The following FOSL2 variants were observed in gnomAD, a reference collection of about 807,000 sequenced individuals.
FOSL2 encodes fos-related antigen 2.
A neutral mutation model predicts 27.7 loss-of-function variants in FOSL2; 3 were observed. The ratio of observed to expected loss-of-function variants is 0.11; its 90% CI spans 0.05 to 0.28. The LOEUF (loss-of-function observed/expected upper bound fraction) is 0.28, where lower values mean the gene tolerates loss of function less well. Among genes scored for constraint, FOSL2 ranks in the 10% least tolerant of loss-of-function variants. The probability of loss-of-function intolerance (pLI) is 1.00; values close to 1 mark genes in which losing one functional copy is unlikely to be tolerated. For missense variants in FOSL2, 333 were observed against 445.1 expected (o/e 0.75, Z 2.27); for synonymous variants, 179 against 190.1 (o/e 0.94, Z 0.48).
intron 1 of FOSL2, among the ~76,000 whole-genome samples, chr2:28,399,234 C>G (rs777130219): frequency 7.2e-5 from 11 of 152,210 alleles, no homozygotes; most frequent in Non-Finnish European, 1.5e-4. Context: ...AACCCCAACC[C>G]TGACTTCCAT....
At chr2:28,409,960 C>T (rs887606567) in intron 3 of FOSL2, among the ~76,000 whole-genome samples, 1 of 152,182 alleles carries the variant, frequency 6.6e-6, no homozygotes, top group South Asian at 2.1e-4. Context: ...AGGCTGGTCT[C>T]GAACTCCTGA....
intron 1 of FOSL2, among the ~76,000 whole-genome samples, chr2:28,395,072 C>T (rs1663784583): frequency 6.6e-6 from 1 of 152,184 alleles, no homozygotes; most frequent in African/African-American, 2.4e-5. Context: ...TTCCCTCTGC[C>T]TCCCATGGTG....
rs1664325076 is a variant in FOSL2, at chr2:28,417,086, C to G, written c.*4638C>G. The G allele has an allele frequency of 6.6e-6, 1 of 151,370 alleles. No individual in the cohort carries two copies. Among genetic ancestry groups the G allele is most frequent in the African/African-American group, 2.4e-5 (1 of 41,170 alleles). 9.4% of individuals were successfully genotyped at this position (151,370 alleles called of 1,614,324 possible). On this transcript the variant is annotated 3_prime_UTR_variant, in exon 4 of 4. Coordinates refer to ENST00000264716, the MANE Select transcript of FOSL2 (RefSeq NM_005253.4). ...ATTGAGGAGTAGCTTTGTTTGGAAGCCTTTCTGGTGGTGGTTTTTGTTGTT... is the reference window on the plus strand; with the variant it reads ...ATTGAGGAGTAGCTTTGTTTGGAAGGCTTTCTGGTGGTGGTTTTTGTTGTT...
chr2:28,405,829 A>G (rs10495765), intron 2 of FOSL2, among the ~76,000 whole-genome samples: 2,086 of 152,282 alleles, frequency 0.014, 16 homozygotes, highest in Non-Finnish European at 0.023. Flanking sequence ...GTTGCTTTCT[A>G]TAATTGCAGT....
At chr2:28,406,007 C>T (rs1037621827) in intron 2 of FOSL2, among the ~76,000 whole-genome samples, 2 of 151,262 alleles carry the variant, frequency 1.3e-5, no homozygotes, top group African/African-American at 4.9e-5. Flanking sequence ...CTAGCAGGAC[C>T]ACAAAGCCTG....
chr2:28,403,778 G>A (rs1664021213), intron 1 of FOSL2, among the ~76,000 whole-genome samples: 1 of 152,182 alleles, frequency 6.6e-6, no homozygotes, highest in African/African-American at 2.4e-5. Flanking sequence ...CTGCCAAGAG[G>A]GCCTGCCGAG....
chr2:28,408,621 C>T lies in FOSL2; in HGVS notation c.355-138C>T. 1 of 598,020 alleles carries T rather than the reference C, an allele frequency of 1.7e-6. No homozygotes were observed. The allele number at this position is 598,020 out of a possible 1,614,324, so 37.0% of individuals were successfully genotyped here. ...CCACATGTTCTGGGGCCTCTGAGTC[C>T]AGCCATGCTCCTCTTGCCCTTCCTT... On this transcript the variant is annotated intron_variant, in intron 2 of 3. Coordinates refer to ENST00000264716, the MANE Select transcript of FOSL2 (RefSeq NM_005253.4). This position sits in a 1 kb window ranked among gnomAD's most constrained non-coding sequence, Gnocchi z 4.1.
At position 28,416,693 on chromosome 2, in the gene FOSL2, T is replaced by A. The variant is rs1664318623; in HGVS notation, c.*4245T>A. On this transcript the variant is annotated 3_prime_UTR_variant, in exon 4 of 4. Transcript: ENST00000264716. ...ATGATTAAAAGTTTATTCCATTTAT[T>A]TTAGTTTGTGTTTACTTGATTTTGA... The A allele has an allele frequency of 6.6e-6, 1 of 152,154 alleles. No individual in the cohort carries two copies. The highest frequency in any genetic ancestry group is 2.4e-5 in the African/African-American group (1 of 41,432). The allele number at this position is 152,154 out of a possible 1,614,324, so 9.4% of individuals were successfully genotyped here. A position where few individuals can be genotyped will look rare whatever the true frequency, so the allele number is the denominator to read the frequency against.
Position 28,393,883 on chromosome 2 carries a change from C to A in FOSL2, c.102+61C>A. The A allele has an allele frequency of 9.1e-7, 1 of 1,094,292 alleles. No individual in the cohort carries two copies. Among genetic ancestry groups the A allele is most frequent in the South Asian group, 1.4e-5 (1 of 70,456 alleles). 67.8% of individuals were successfully genotyped at this position (1,094,292 alleles called of 1,614,324 possible). ...CGGACCCCTGCCCTCTTCTCGCCGC[C>A]ACTGCCTCTTTTGCTTTCTTTTCTT... is the stretch of plus-strand genomic sequence containing the variant. On this transcript the variant is annotated intron_variant, in intron 1 of 3. Coordinates refer to ENST00000264716, the MANE Select transcript of FOSL2 (RefSeq NM_005253.4). This position sits in a 1 kb window ranked among gnomAD's most constrained non-coding sequence, Gnocchi z 4.6.
intron 2 of FOSL2, among the ~76,000 whole-genome samples, chr2:28,407,931 C>T (rs1664117147): frequency 6.6e-6 from 1 of 152,210 alleles, no homozygotes; most frequent in South Asian, 2.1e-4. Flanking sequence ...AGATCCTAAG[C>T]TCTTTGCAGG....
rs1163021013 is a variant in FOSL2 at position 28,417,173 on chromosome 2, C to G, written c.*4725C>G. On this transcript the variant is annotated 3_prime_UTR_variant, in exon 4 of 4. Transcript: ENST00000264716. ...CCTACAGTATTTGCACTAAAGAAAGCTTGTTAGAAAAAGCTTGCTGCTATG... is the reference window on the plus strand; with the variant it reads ...CCTACAGTATTTGCACTAAAGAAAGGTTGTTAGAAAAAGCTTGCTGCTATG... 6.6e-6 allele frequency: 1 copy of G among 151,736 alleles called. No homozygotes were observed. The highest frequency in any genetic ancestry group is 2.4e-5 in the African/African-American group (1 of 41,228). The allele number at this position is 151,736 out of a possible 1,614,324, so 9.4% of individuals were successfully genotyped here. A position where few individuals can be genotyped will look rare whatever the true frequency, so the allele number is the denominator to read the frequency against.
At position 28,404,208 on chromosome 2, in the gene FOSL2, G is replaced by A; in HGVS notation, c.204G>A (p.Val68=). 1 of 1,614,204 alleles carries A rather than the reference G, an allele frequency of 6.2e-7. No homozygotes were observed. Residue 68 remains valine (V), a synonymous_variant, in exon 2 of 4, where the codon GTG becomes GTA. Coordinates refer to ENST00000264716, the MANE Select transcript of FOSL2 (RefSeq NM_005253.4). This position sits in a 1 kb window ranked among gnomAD's most constrained non-coding sequence, Gnocchi z 4.7. ...QDLQWMVQPT[V]ITSMSNPYPR... is the part of the protein sequence containing the mutation. ...TGCAGTGGATGGTGCAGCCCACAGT[G>A]ATCACCTCCATGTCCAACCCATACC...
rs909512668 is a variant in FOSL2, at chr2:28,392,953, A to C, written c.-768A>C. The C allele has an allele frequency of 1.4e-4, 95 of 685,102 alleles. No individual in the cohort carries two copies. The highest frequency in any genetic ancestry group is 2.4e-4 in the Non-Finnish European group (90 of 368,160). The allele number at this position is 685,102 out of a possible 1,614,324, so 42.4% of individuals were successfully genotyped here. On this transcript the variant is annotated 5_prime_UTR_variant, in exon 1 of 4. Coordinates refer to ENST00000264716, the MANE Select transcript of FOSL2 (RefSeq NM_005253.4). ...GGCGGGGACAGAAAGAGGGAGAGAGAGAGAGAGAGAGAGGGAGAGGCGCGG... is the reference window on the plus strand; with the variant it reads ...GGCGGGGACAGAAAGAGGGAGAGAGCGAGAGAGAGAGAGGGAGAGGCGCGG...
In FOSL2 at chr2:28,402,616, C is replaced by T. The variant is rs549992351; in HGVS notation, c.103-1491C>T. Reference sequence around the variant, plus strand: ...ATGCTAATGATAGTGGGGTTCCATTCGGGGCCAGACAGACCTGTGGTACCT... The same window carrying T: ...ATGCTAATGATAGTGGGGTTCCATTTGGGGCCAGACAGACCTGTGGTACCT... On this transcript the variant is annotated intron_variant, in intron 1 of 3. Coordinates refer to ENST00000264716, the MANE Select transcript of FOSL2 (RefSeq NM_005253.4). 7.9e-5 allele frequency among the ~76,000 whole-genome samples: 12 copies of T among 152,268 alleles called. No homozygotes were observed. In the South Asian group the frequency reaches 1.0e-3, roughly 13 times the overall value.
intron 3 of FOSL2, among the ~76,000 whole-genome samples, chr2:28,409,521 C>G (rs1458531218): frequency 3.9e-5 from 6 of 152,176 alleles, no homozygotes; most frequent in Non-Finnish European, 8.8e-5. Context: ...CAGCCCTGCC[C>G]TTCCCTCTGT....
rs756896308 is a variant in FOSL2 at position 28,408,851 on chromosome 2, A to C, written c.447A>C (p.Thr149=). Residue 149 remains threonine, a synonymous_variant, in exon 3 of 4, where the codon ACA becomes ACC. Transcript: ENST00000264716. The surrounding 1 kb of genome is among the most constrained non-coding windows in gnomAD (Gnocchi z 4.1). ...GCCGGAACCGACGCCGGGAGCTGAC[A>C]GAGAAGCTGCAGGCGGTGAGGAACT... ...AKCRNRRREL[T]EKLQAETEEL... The C allele has an allele frequency of 8.1e-6, 13 of 1,610,292 alleles. No homozygotes were observed. In the Admixed American group the frequency reaches 8.4e-5, roughly 10 times the overall value.
rs1025471377 is a variant in FOSL2 at position 28,393,178 on chromosome 2, C to G, written c.-543C>G. On this transcript the variant is annotated 5_prime_UTR_variant, in exon 1 of 4. Transcript: ENST00000264716. The surrounding 1 kb of genome is among the most constrained non-coding windows in gnomAD (Gnocchi z 4.6). The stretch of plus-strand genomic sequence containing the variant: ...GTCAAGTATCCGAGCCGCCCCGAAA[C>G]TCGGGCGGCGAGTCGGCCACGGGAA... The G allele has an allele frequency of 1.1e-5, 3 of 266,124 alleles. No homozygotes were observed. The highest frequency in any genetic ancestry group is 2.1e-5 in the Non-Finnish European group (3 of 142,966). The allele number at this position is 266,124 out of a possible 1,614,324, so 16.5% of individuals were successfully genotyped here.
chr2:28,393,056 C>T lies in FOSL2; in HGVS notation c.-665C>T, dbSNP rs1417542020. The T allele has an allele frequency of 1.4e-5, 7 of 506,570 alleles. No individual in the cohort carries two copies. Among genetic ancestry groups the T allele is most frequent in the African/African-American group, 4.1e-5 (2 of 48,764 alleles). The allele number at this position is 506,570 out of a possible 1,614,324, so 31.4% of individuals were successfully genotyped here. ...TGGGCGCCGGAGCGGGGAGCGGGGC[C>T]GCGTCCCTCTCAGCGCCAGCTCTAC... On this transcript the variant is annotated 5_prime_UTR_variant, in exon 1 of 4. Transcript: ENST00000264716. This position sits in a 1 kb window ranked among gnomAD's most constrained non-coding sequence, Gnocchi z 4.6.
rs1483633165 is a variant in FOSL2, at chr2:28,408,244, A to G, written c.355-515A>G. Among the ~76,000 whole-genome samples, 3 of 152,122 alleles carry G rather than the reference A, an allele frequency of 2.0e-5. No homozygotes were observed. Among genetic ancestry groups the G allele is most frequent in the Non-Finnish European group, 4.4e-5 (3 of 68,022 alleles). ...TAACATTCCCCCCTGGGTGGTTCTT[A>G]ACCTGTGTGGGGACTCCAGGCCCAG... On this transcript the variant is annotated intron_variant, in intron 2 of 3. Coordinates refer to ENST00000264716, the MANE Select transcript of FOSL2 (RefSeq NM_005253.4). This position sits in a 1 kb window ranked among gnomAD's most constrained non-coding sequence, Gnocchi z 4.1.
Sources: gnomAD v4.1 joint callset for allele counts (sites outside exome capture counted in the v4.1 genomes callset) on GRCh38, gnomAD v4.1.1 for gene constraint, Gnocchi (gnomAD v3.1) non-coding constraint, MANE v1.5 for transcripts, NCBI Gene and HGNC (gene_info 2026-07-23, HGNC 2026-07-21) for gene names.